LIG1: variants seen among roughly 807,000 people sequenced by gnomAD.
LIG1 encodes ligase I, DNA, ATP-dependent.
LIG1 carries 70 observed loss-of-function variants against 115.7 expected under a neutral mutation model. The observed-to-expected ratio is 0.60, with a 90% CI of 0.50 to 0.74. The LOEUF (loss-of-function observed/expected upper bound fraction) is 0.74. Ranked by LOEUF, LIG1 falls within the 30% of genes least tolerant of loss-of-function variation. The pLI is 0.00. For synonymous variants in LIG1, 487 were observed against 495.3 expected (o/e 0.98, Z 0.22); for missense variants, 1,115 against 1,225.6 (o/e 0.91, Z 1.35).
intron 19 of LIG1, among the ~76,000 whole-genome samples, chr19:48,128,273 A>G (rs2122489933): frequency 6.6e-6 from 1 of 152,062 alleles, no homozygotes; most frequent in African/African-American, 2.4e-5. Flanking sequence ...CCTGTCACCC[A>G]CATTCAGTTC....
chr19:48,130,591 G>A lies in LIG1; in HGVS notation c.1821+485C>T, dbSNP rs372497890. Among the ~76,000 whole-genome samples the A allele has an allele frequency of 4.6e-5, 7 of 152,278 alleles. No homozygotes were observed. In the South Asian group the frequency reaches 8.3e-4, roughly 18 times the overall value. ...CTGCAGAGTTAGACTCTGGCTTTCC[G>A]AGGCTTTGTTGCACTAGGGTGGCCA... On this transcript the variant is annotated intron_variant, in intron 19 of 27. Transcript: ENST00000263274.
rs542290702 is a variant in LIG1 at position 48,140,291 on chromosome 19, G to A, written c.915-148C>T. ...GAACAGTCCCAGGCTCTGGGGCCTG[G>A]AGCCATGAGGACAATCACAGATTGC... is the stretch of plus-strand genomic sequence containing the variant. On this transcript the variant is annotated intron_variant, in intron 11 of 27. Coordinates refer to ENST00000263274, the MANE Select transcript of LIG1 (RefSeq NM_000234.3). 9 of 627,078 alleles carry A rather than the reference G, an allele frequency of 1.4e-5. No individual in the cohort carries two copies. In the East Asian group the frequency reaches 2.5e-4, roughly 17 times the overall value. 38.8% of individuals were successfully genotyped at this position (627,078 alleles called of 1,614,324 possible).
intron 25 of LIG1, 67 bp from the exon 26 acceptor site, chr19:48,117,848 G>A: frequency 6.4e-7 from 1 of 1,571,488 alleles, no homozygotes; most frequent in African/African-American, 1.3e-5. Context: ...AAGTGTTGGA[G>A]GGCTGGGGAG....
chr19:48,157,213 A>T, intron 4 of LIG1, 73 bp from the exon 5 acceptor site: 2 of 1,502,120 alleles, frequency 1.3e-6, no homozygotes, highest in East Asian at 2.4e-5. Flanking sequence ...TTGAGAGTAG[A>T]GGGGACTGAA....
chr19:48,151,199 G>A (rs2035451688), intron 7 of LIG1, 33 bp downstream of exon 7: 1 of 1,351,388 alleles, frequency 7.4e-7, no homozygotes, highest in Non-Finnish European at 1.1e-6. Context: ...ATCAGGAGGT[G>A]GGGCAGGGCG....
chr19:48,131,162 G>A lies in LIG1; in HGVS notation c.1735C>T (p.Leu579=). 6.2e-7 allele frequency: 1 copy of A among 1,613,692 alleles called. No homozygotes were observed. The highest frequency in any genetic ancestry group is 2.2e-5 in the East Asian group (1 of 44,872). The change falls in exon 19 of 28, where the codon CTG becomes TTG. Residue 579 remains leucine, a synonymous_variant. Transcript: ENST00000263274. ...YDGQRAQIHA[L]EGGEVKIFSR... ...AAGATCTTCACCTCCCCGCCTTCCA[G>A]GGCGTGGATCTGTCACGATGGGAGA...
At chr19:48,169,103 A>G (rs1211137317) in intron 1 of LIG1, among the ~76,000 whole-genome samples, 1 of 152,214 alleles carries the variant, frequency 6.6e-6, no homozygotes, top group African/African-American at 2.4e-5. Flanking sequence ...AGAGTAGAAA[A>G]AAGGTAACAT....
Position 48,137,802 on chromosome 19 carries a change from C to G in LIG1, c.1088-114G>C. The G allele has an allele frequency of 7.8e-7, 1 of 1,284,326 alleles. No individual in the cohort carries two copies. The highest frequency in any genetic ancestry group is 1.1e-6 in the Non-Finnish European group (1 of 919,124). The allele number at this position is 1,284,326 out of a possible 1,614,324, so 79.6% of individuals were successfully genotyped here. A position where few individuals can be genotyped will look rare whatever the true frequency, so the allele number is the denominator to read the frequency against. On this transcript the variant is annotated intron_variant, in intron 12 of 27. Coordinates refer to ENST00000263274, the MANE Select transcript of LIG1 (RefSeq NM_000234.3). This position sits in a 1 kb window ranked among gnomAD's most constrained non-coding sequence, Gnocchi z 4.3. ...AGCTGTGTGTGCTTGTGGCGAGTCC[C>G]TGCACCTCCCTGTGTCTAACGCTCA... is the stretch of plus-strand genomic sequence containing the variant.
chr19:48,128,116 C>T, intron 19 of LIG1, 96 bp from the exon 20 acceptor site: 1 of 945,366 alleles, frequency 1.1e-6, no homozygotes, highest in South Asian at 1.3e-5. Context: ...CCTTCTGCAG[C>T]TCTCAAGATG....
At chr19:48,116,989 T>C (rs1476398432) in intron 26 of LIG1, among the ~76,000 whole-genome samples, 2 of 151,514 alleles carry the variant, frequency 1.3e-5, no homozygotes, top group Non-Finnish European at 2.9e-5. Context: ...CGGGTCACCA[T>C]ACCCAGCTAA....
intron 25 of LIG1, among the ~76,000 whole-genome samples, chr19:48,118,129 T>C (rs2032996101): frequency 6.6e-6 from 1 of 151,844 alleles, no homozygotes; most frequent in East Asian, 1.9e-4. Flanking sequence ...GCCAGAGACC[T>C]GGAGGAAGGA....
chr19:48,131,892 T>G (rs956632670), intron 18 of LIG1, among the ~76,000 whole-genome samples: 1 of 151,920 alleles, frequency 6.6e-6, no homozygotes, highest in Admixed American at 6.6e-5. Flanking sequence ...CTCAACACTA[T>G]TTTGGAGATC....
rs75827298 is a variant in LIG1 at position 48,157,380 on chromosome 19, C to A, written c.244-240G>T. Among the ~76,000 whole-genome samples the A allele has an allele frequency of 4.6e-3, 699 of 152,128 alleles. 5 individuals are homozygous for A. The highest frequency in any genetic ancestry group is 0.016 in the African/African-American group (660 of 41,496). ...CTGTTTTCTACAGTAACAGAATCTT[C>A]GATTCTCCTGCTTCAGCCTCCCAAG... On this transcript the variant is annotated intron_variant, in intron 4 of 27. Transcript: ENST00000263274.
chr19:48,151,146 C>A lies in LIG1; in HGVS notation c.574+86G>T, dbSNP rs1311515131. ...TAAGCAATAAGTTTGAGAATCTATG[C>A]CTTGTTTAAATTAATCATCCTCCAA... is the stretch of plus-strand genomic sequence containing the variant. On this transcript the variant is annotated intron_variant, in intron 7 of 27. Coordinates refer to ENST00000263274, the MANE Select transcript of LIG1 (RefSeq NM_000234.3). 4 of 764,988 alleles carry A rather than the reference C, an allele frequency of 5.2e-6. No individual in the cohort carries two copies. The East Asian group carries it at 9.9e-5, about 19-fold the overall frequency. The allele number at this position is 764,988 out of a possible 1,614,324, so 47.4% of individuals were successfully genotyped here. A position where few individuals can be genotyped will look rare whatever the true frequency, so the allele number is the denominator to read the frequency against.
rs1159453174 is a variant in LIG1, at chr19:48,157,110, G to T, written c.274C>A (p.Pro92Thr). Reference protein sequence around the residue: ...KPALDCSQVSPPRPATSPENN... With the variant: ...KPALDCSQVSTPRPATSPENN... ...TCAGGAGATGTGGCAGGACGGGGCG[G>T]GGAGACCTGTGAGCAGTCCAGGGCA... The change falls in exon 5 of 28, where the codon CCG (proline) becomes ACG (threonine). Residue 92 changes from proline (P) to threonine (T), a missense_variant. Pro to Thr is a conservative substitution (Grantham distance 38). Transcript: ENST00000263274. 6.2e-7 allele frequency: 1 copy of T among 1,613,558 alleles called. No homozygotes were observed. Among genetic ancestry groups the T allele is most frequent in the Non-Finnish European group, 8.5e-7 (1 of 1,179,678 alleles).
Position 48,162,282 on chromosome 19 carries a change from TCTG to T in LIG1, c.84_86del (p.Ser28del). 1 of 1,614,042 alleles carries T rather than the reference TCTG, an allele frequency of 6.2e-7. No homozygotes were observed. The highest frequency in any genetic ancestry group is 8.5e-7 in the Non-Finnish European group (1 of 1,179,918). On this transcript the variant is annotated inframe_deletion, in exon 3 of 28. Coordinates refer to ENST00000263274, the MANE Select transcript of LIG1 (RefSeq NM_000234.3). Reference sequence around the variant, plus strand: ...CATACTTTGGAGGGGGCTCCGTCTCTCTGCTGCTATTGGATGCCTCCTTCTCAG... The same window carrying T: ...CATACTTTGGAGGGGGCTCCGTCTCTCTGCTATTGGATGCCTCCTTCTCAG...
chr19:48,169,532 A>C (rs1425526208), intron 1 of LIG1: 1 of 152,652 alleles, frequency 6.6e-6, no homozygotes, highest in Non-Finnish European at 1.5e-5. Context: ...AGCATACATT[A>C]GGCCAGACGT....
chr19:48,130,144 A>G (rs1312779289), intron 19 of LIG1, among the ~76,000 whole-genome samples: 1 of 152,244 alleles, frequency 6.6e-6, no homozygotes, highest in African/African-American at 2.4e-5. Flanking sequence ...TTCAAAACTC[A>G]TCAAACAGCA....
At chr19:48,154,892 AC>A (rs2035739556) in intron 5 of LIG1, among the ~76,000 whole-genome samples, 1 of 151,782 alleles carries the variant, frequency 6.6e-6, no homozygotes, top group South Asian at 2.1e-4. Context: ...TTTGATGTCT[AC>A]CCCGATCCTA....
Sources: gnomAD v4.1 joint callset for allele counts (sites outside exome capture counted in the v4.1 genomes callset) on GRCh38, gnomAD v4.1.1 for gene constraint, Gnocchi (gnomAD v3.1) non-coding constraint, MANE v1.5 for transcripts, NCBI Gene and HGNC (gene_info 2026-07-23, HGNC 2026-07-21) for gene names.